Variants in TGM4 observed in about 807,000 individuals in gnomAD.
TGM4 encodes protein-glutamine gamma-glutamyltransferase 4.
Under a neutral mutation model 76.3 loss-of-function variants are expected in TGM4, and 61 were observed. The ratio of observed to expected loss-of-function variants is 0.80; its 90% confidence interval spans 0.65 to 0.99. TGM4 has a LOEUF of 0.99. TGM4 is among the 50% of genes least tolerant of loss of function. TGM4 has a pLI of 0.00. For missense variants in TGM4, 794 were observed against 843.2 expected (o/e 0.94, Z 0.72); for synonymous variants, 337 against 329.8 (o/e 1.02, Z -0.24).
At chr3:44,891,844 G>A (rs1220374275) in intron 4 of TGM4, among the ~76,000 whole-genome samples, 3 of 151,712 alleles carry the variant, frequency 2.0e-5, no homozygotes, top group Admixed American at 6.6e-5. Context: ...GCATGGTGGC[G>A]GGCGCCTATA....
intron 9 of TGM4, among the ~76,000 whole-genome samples, chr3:44,904,987 T>C (rs1472483474): frequency 1.3e-5 from 2 of 150,250 alleles, no homozygotes; most frequent in African/African-American, 4.9e-5. Context: ...TGGCCTTTAT[T>C]TATTTATTTA....
Position 44,885,383 on chromosome 3 carries a change from A to T in TGM4, c.78A>T (p.Thr26=). ...LNQDNAVSHH[T]WEFQTSSPVF... is the part of the protein sequence containing the mutation. ...AGGACAACGCCGTTTCTCACCACACATGGGAGTTCCAAACGAGCAGTCCTG... is the reference window on the plus strand; with the variant it reads ...AGGACAACGCCGTTTCTCACCACACTTGGGAGTTCCAAACGAGCAGTCCTG... The change falls in exon 2 of 14, where the codon ACA becomes ACT. Residue 26 remains threonine, a synonymous_variant. Coordinates refer to ENST00000296125, the MANE Select transcript of TGM4 (RefSeq NM_003241.4). The T allele has an allele frequency of 3.1e-6, 5 of 1,614,004 alleles. No individual in the cohort carries two copies. Among genetic ancestry groups the T allele is most frequent in the Non-Finnish European group, 4.2e-6 (5 of 1,179,952 alleles).
intron 3 of TGM4, 163 bp from the exon 4 acceptor site, chr3:44,890,440 C>A: frequency 1.1e-6 from 1 of 948,094 alleles, no homozygotes; most frequent in Admixed American, 2.4e-5. Flanking sequence ...CCTGCCCTTG[C>A]AGGGGCGCTC....
At chr3:44,893,869 G>C (rs545517204) in intron 5 of TGM4, among the ~76,000 whole-genome samples, 174 bp downstream of exon 5, 297 of 151,570 alleles carry the variant, frequency 2.0e-3, no homozygotes, top group Non-Finnish European at 3.4e-3. Flanking sequence ...CTGCACAGAT[G>C]GGGTGGAGTC....
chr3:44,877,078 G>A (rs1413858304), intron 1 of TGM4, among the ~76,000 whole-genome samples: 1 of 152,210 alleles, frequency 6.6e-6, no homozygotes, highest in Non-Finnish European at 1.5e-5. Flanking sequence ...GCTGAGGTAG[G>A]AGGATTGCTT....
rs567519383 is a variant in TGM4, at chr3:44,908,331, T to C, written c.1327+1131T>C. Among the ~76,000 whole-genome samples the C allele has an allele frequency of 5.1e-4, 78 of 152,344 alleles. 1 individual carries two copies. The highest frequency in any genetic ancestry group is 1.8e-3 in the African/African-American group (74 of 41,576). ...ATAGAATCTTATCCTCAGGGTTGTG[T>C]TGAAAATGAGCAAACTTGATTAAAA... is the stretch of plus-strand genomic sequence containing the variant. On this transcript the variant is annotated intron_variant, in intron 10 of 13. Transcript: ENST00000296125.
Position 44,913,933 on chromosome 3 carries a change from A to C in TGM4, c.*208A>C. ...CAGGGTCACCTCTTTTACAGTTAGA[A>C]ACACCAGCCGAGGCCACAGAATCCC... is the stretch of plus-strand genomic sequence containing the variant. On this transcript the variant is annotated 3_prime_UTR_variant, in exon 14 of 14. Coordinates refer to ENST00000296125, the MANE Select transcript of TGM4 (RefSeq NM_003241.4). 1.8e-6 allele frequency: 1 copy of C among 543,476 alleles called. No individual in the cohort carries two copies. The highest frequency in any genetic ancestry group is 3.1e-6 in the Non-Finnish European group (1 of 325,462). The allele number at this position is 543,476 out of a possible 1,614,324, so 33.7% of individuals were successfully genotyped here.
intron 5 of TGM4, among the ~76,000 whole-genome samples, chr3:44,894,604 G>C (rs761057364): frequency 6.6e-6 from 1 of 151,438 alleles, no homozygotes; most frequent in East Asian, 2.0e-4. Flanking sequence ...AGGCAGAGAA[G>C]CTGGGGTGTG....
In TGM4 at chr3:44,893,709, G is replaced by A. The variant is rs773130157; in HGVS notation, c.549+14G>A. 3.9e-5 allele frequency: 63 copies of A among 1,608,968 alleles called. No individual in the cohort carries two copies. Among genetic ancestry groups the A allele is most frequent in the East Asian group, 2.0e-4 (9 of 44,866 alleles). ...AACTTTGGTCAGGTAATGATTTGTC[G>A]TCTTGTGGCTGCACCAGGCCCCATC... On this transcript the variant is annotated intron_variant, in intron 5 of 13. Coordinates refer to ENST00000296125, the MANE Select transcript of TGM4 (RefSeq NM_003241.4).
At chr3:44,887,414 G>A (rs1208874860) in intron 2 of TGM4, among the ~76,000 whole-genome samples, 2 of 152,242 alleles carry the variant, frequency 1.3e-5, no homozygotes, top group Non-Finnish European at 2.9e-5. Flanking sequence ...TGTGACAGAG[G>A]CAGGAGCTCT....
chr3:44,897,964 C>T (rs1157709219), intron 6 of TGM4, among the ~76,000 whole-genome samples: 1 of 152,084 alleles, frequency 6.6e-6, no homozygotes, highest in African/African-American at 2.4e-5. Context: ...AACATCTGGC[C>T]TCACACGGAT....
Position 44,893,561 on chromosome 3 carries a change from T to G in TGM4, c.431-16T>G, listed in dbSNP as rs1699732397. ...GGGCAGAATATAACCTCTGTGGATG[T>G]GTGGTCTTGCTTCAGAGGACATGGT... On this transcript the variant is annotated splice_polypyrimidine_tract_variant and intron_variant, in intron 4 of 13. Coordinates refer to ENST00000296125, the MANE Select transcript of TGM4 (RefSeq NM_003241.4). The G allele has an allele frequency of 6.2e-7, 1 of 1,605,040 alleles. No individual in the cohort carries two copies. The highest frequency in any genetic ancestry group is 1.3e-5 in the African/African-American group (1 of 74,816).
chr3:44,900,440 G>A (rs934635035), intron 6 of TGM4, among the ~76,000 whole-genome samples: 6 of 152,178 alleles, frequency 3.9e-5, no homozygotes, highest in African/African-American at 9.7e-5. Flanking sequence ...GAGAGGTCAC[G>A]GGAGGCCCAG....
At chr3:44,910,025 G>GGGT in intron 10 of TGM4, 65 bp from the exon 11 acceptor site, 3 of 1,558,748 alleles carry the variant, frequency 1.9e-6, no homozygotes, top group Non-Finnish European at 2.6e-6. Flanking sequence ...TCTGCCACAC[G>GGGT]GGTGGTTGGG....
At chr3:44,890,801 T>C (rs181444726) in intron 4 of TGM4, 69 bp downstream of exon 4, 3 of 1,578,636 alleles carry the variant, frequency 1.9e-6, no homozygotes, top group East Asian at 2.2e-5. Context: ...GTGCAATGCA[T>C]AGTCTATGAG....
intron 13 of TGM4, among the ~76,000 whole-genome samples, chr3:44,913,155 A>G (rs1054901887): frequency 6.6e-6 from 1 of 152,238 alleles, no homozygotes; most frequent in South Asian, 2.1e-4. Context: ...GTTTCCTACA[A>G]GCTCAGCTAG....
intron 1 of TGM4, among the ~76,000 whole-genome samples, chr3:44,877,465 A>G (rs576966287): frequency 3.0e-4 from 45 of 152,162 alleles, no homozygotes; most frequent in South Asian, 2.7e-3. Context: ...AATAAAAATA[A>G]AAATTAGCCA....
chr3:44,903,857 G>GTGGTCCGGGT, intron 8 of TGM4, 27 bp from the exon 9 acceptor site: 2 of 1,610,148 alleles, frequency 1.2e-6, no homozygotes, highest in Non-Finnish European at 1.7e-6. Context: ...GTGGTCCGGG[G>GTGGTCCGGGT]TGGGGCCCGT....
intron 3 of TGM4, chr3:44,889,170 T>TAAAAAAAAAAAAAA (rs546432543): frequency 7.4e-5 from 3 of 40,272 alleles, no homozygotes; most frequent in African/African-American, 2.4e-4. Context: ...CCATCTCTAC[T>TAAAAAAAAAAAAAA]AAAAAAAAAA....
Sources: allele counts gnomAD v4.1 joint callset (sites outside exome capture counted in the v4.1 genomes callset), GRCh38; gene constraint gnomAD v4.1.1; transcripts MANE v1.5; gene names NCBI Gene and HGNC (gene_info 2026-07-23, HGNC 2026-07-21).